Variants in IL7 observed in about 807,000 individuals in gnomAD.
IL7 encodes the protein interleukin 7.
Under a neutral mutation model 21.6 loss-of-function variants are expected in IL7, and 3 were observed. The observed-to-expected ratio is 0.14, with a 90% CI of 0.06 to 0.36. The LOEUF (loss-of-function observed/expected upper bound fraction) is 0.36. Ranked by LOEUF, IL7 falls within the 10% of genes least tolerant of loss-of-function variation. The probability of loss-of-function intolerance (pLI) is 1.00; values close to 1 mark genes in which losing one functional copy is unlikely to be tolerated. For synonymous variants in IL7, 62 were observed against 68.1 expected, an observed-to-expected ratio of 0.91 and a Z score of 0.44; for missense variants, 175 against 200.2, an observed-to-expected ratio of 0.87 and a Z score of 0.76.
At chr8:78,720,604 T>C (rs1159262583) in intron 5 of IL7, among the ~76,000 whole-genome samples, 2 of 151,874 alleles carry the variant, frequency 1.3e-5, no homozygotes, top group Admixed American at 6.6e-5. Flanking sequence ...AACACGAAAC[T>C]ACAGAGATTT....
chr8:78,720,563 CCT>C (rs1213334915), intron 5 of IL7, among the ~76,000 whole-genome samples: 1 of 151,662 alleles, frequency 6.6e-6, no homozygotes, highest in African/African-American at 2.4e-5. Flanking sequence ...TTTTTAAGGG[CCT>C]CTCAGCAATA....
At chr8:78,796,697 C>T (rs2130841884) in intron 2 of IL7, among the ~76,000 whole-genome samples, 1 of 152,018 alleles carries the variant, frequency 6.6e-6, no homozygotes, top group Non-Finnish European at 1.5e-5. Context: ...ATTGAAACAA[C>T]ACTGAGATAC....
At chr8:78,761,643 T>G in intron 2 of IL7, 1 of 1,612,046 alleles carries the variant, frequency 6.2e-7, no homozygotes, top group Non-Finnish European at 8.5e-7. Context: ...TCAGTGATAA[T>G]GGAAAAGACG....
At chr8:78,727,563 A>G (rs1272703741) in intron 3 of IL7, among the ~76,000 whole-genome samples, 3 of 152,060 alleles carry the variant, frequency 2.0e-5, no homozygotes, top group Non-Finnish European at 4.4e-5. Flanking sequence ...GGAAATGTAG[A>G]AATGTATCAT....
At chr8:78,708,264 T>C (rs941826530) in intron 3 of IL7, among the ~76,000 whole-genome samples, 1 of 152,216 alleles carries the variant, frequency 6.6e-6, no homozygotes, top group Non-Finnish European at 1.5e-5. Context: ...GTGTATGTAA[T>C]CTTTATTGTA....
At chr8:78,751,348 T>C (rs1481557787) in intron 2 of IL7, among the ~76,000 whole-genome samples, 2 of 152,136 alleles carry the variant, frequency 1.3e-5, no homozygotes, top group Non-Finnish European at 2.9e-5. Flanking sequence ...GAATGAAATA[T>C]TCAAAATGTT....
At chr8:78,686,467 C>T (rs759047775) in intron 3 of IL7, 1 of 1,379,452 alleles carries the variant, frequency 7.2e-7, no homozygotes, top group African/African-American at 1.6e-5. Flanking sequence ...TTATTTATAG[C>T]CAGAACCACC....
chr8:78,704,199 T>G (rs912947690), intron 3 of IL7, among the ~76,000 whole-genome samples: 1 of 151,868 alleles, frequency 6.6e-6, no homozygotes, highest in Non-Finnish European at 1.5e-5. Context: ...CTGACCAATG[T>G]GGTGAAAGCC....
At chr8:78,783,626 A>T (rs911519017) in intron 2 of IL7, among the ~76,000 whole-genome samples, 2 of 152,178 alleles carry the variant, frequency 1.3e-5, no homozygotes, top group Non-Finnish European at 2.9e-5. Flanking sequence ...TTACCAATTA[A>T]CATATGTGGC....
At chr8:78,732,115 T>C (rs1301556463), downstream of IL7, among the ~76,000 whole-genome samples, 1 of 152,096 alleles carries the variant, frequency 6.6e-6, no homozygotes, top group Non-Finnish European at 1.5e-5. Flanking sequence ...GACCATGTTT[T>C]ATGATGGAAG....
chr8:78,798,564 A>C (rs1008362491), intron 1 of IL7, among the ~76,000 whole-genome samples: 4 of 152,060 alleles, frequency 2.6e-5, no homozygotes, highest in African/African-American at 9.7e-5. Context: ...GGTGCACTAC[A>C]GTTCGAAGAG....
intron 2 of IL7, among the ~76,000 whole-genome samples, chr8:78,742,157 C>CA (rs35093575): frequency 0.1 from 12,384 of 123,506 alleles, 683 homozygotes; most frequent in Non-Finnish European, 0.13. Context: ...ACTAAAAATA[C>CA]AAAAAAAAAA....
chr8:78,751,202 AAG>A (rs1812159885), intron 2 of IL7, among the ~76,000 whole-genome samples: 1 of 152,122 alleles, frequency 6.6e-6, no homozygotes, highest in South Asian at 2.1e-4. Flanking sequence ...GAGACAGAAA[AAG>A]AAAAATCAAG....
chr8:78,689,918 A>G (rs532935214), intron 3 of IL7, among the ~76,000 whole-genome samples: 128 of 152,276 alleles, frequency 8.4e-4, no homozygotes, highest in Non-Finnish European at 1.4e-3. Context: ...CATGTCTTCT[A>G]TAAGTTTTAT....
At chr8:78,799,721 G>C (rs1308192474) in intron 1 of IL7, among the ~76,000 whole-genome samples, 1 of 151,942 alleles carries the variant, frequency 6.6e-6, no homozygotes, top group Non-Finnish European at 1.5e-5. Context: ...TACATAGTAG[G>C]TGCCAGGTTT....
intron 3 of IL7, chr8:78,686,514 A>G (rs1809979388): frequency 1.3e-6 from 2 of 1,550,518 alleles, no homozygotes; most frequent in African/African-American, 2.8e-5. Flanking sequence ...AACATGAAGA[A>G]TTCATTGCTA....
At chr8:78,795,128 G>A (rs916506323) in intron 2 of IL7, among the ~76,000 whole-genome samples, 28 of 151,956 alleles carry the variant, frequency 1.8e-4, no homozygotes, top group African/African-American at 6.8e-4. Flanking sequence ...CTTTCTCAAG[G>A]GCTGTTGTAA....
chr8:78,776,827 A>G (rs1452404359), intron 2 of IL7, among the ~76,000 whole-genome samples: 1 of 152,100 alleles, frequency 6.6e-6, no homozygotes, highest in Non-Finnish European at 1.5e-5. Context: ...AATTTATCCA[A>G]TGTCACATAG....
At chr8:78,739,425 G>A (rs952877953) in intron 3 of IL7, among the ~76,000 whole-genome samples, 1 of 152,112 alleles carries the variant, frequency 6.6e-6, no homozygotes, top group Non-Finnish European at 1.5e-5. Flanking sequence ...CAGGCACCGT[G>A]GCTCACGCCT....
Sources: gnomAD v4.1 joint callset for allele counts (sites outside exome capture counted in the v4.1 genomes callset) on GRCh38, gnomAD v4.1.1 for gene constraint, MANE v1.5 for transcripts, NCBI Gene and HGNC (gene_info 2026-07-23, HGNC 2026-07-21) for gene names.